ROBO2: variants seen among roughly 807,000 people sequenced by gnomAD.
ROBO2 encodes roundabout guidance receptor 2.
A neutral mutation model predicts 160.8 loss-of-function variants in ROBO2; 53 were observed. The ratio of observed to expected loss-of-function variants is 0.33; its 90% CI spans 0.26 to 0.41. ROBO2 has a LOEUF of 0.41. ROBO2 is among the 10% of genes least tolerant of loss of function. ROBO2 has a pLI of 1.00. For synonymous variants in ROBO2, 664 were observed against 611.7 expected, an observed-to-expected ratio of 1.09 and a Z score of -1.26; for missense variants, 1,577 against 1,722.4, an observed-to-expected ratio of 0.92 and a Z score of 1.49.
chr3:77,180,416 C>CTCTATATATATATATATATA (rs1433740534), intron 2 of ROBO2, among the ~76,000 whole-genome samples: 219 of 90,684 alleles, frequency 2.4e-3, no homozygotes, highest in Non-Finnish European at 3.9e-3. Flanking sequence ...CTCTCTCTCT[C>CTCTATATATATATATATATA]TATATATATA....
chr3:76,523,387 A>G (rs1476962024), intron 2 of ROBO2, among the ~76,000 whole-genome samples: 2 of 151,940 alleles, frequency 1.3e-5, no homozygotes, highest in East Asian at 3.9e-4. Context: ...CATGTCTTGA[A>G]TTTTCTGCCT....
At chr3:76,936,881 A>G (rs1224667726) in intron 2 of ROBO2, among the ~76,000 whole-genome samples, 1 of 151,754 alleles carries the variant, frequency 6.6e-6, no homozygotes, top group Non-Finnish European at 1.5e-5. Context: ...TTATGAAGAC[A>G]TTTGTTTCTG....
chr3:76,552,474 T>C (rs1486955423), intron 2 of ROBO2, among the ~76,000 whole-genome samples: 1 of 152,256 alleles, frequency 6.6e-6, no homozygotes, highest in Non-Finnish European at 1.5e-5. Context: ...CTCCTTTTCA[T>C]ATAATTAATC....
intron 24 of ROBO2, among the ~76,000 whole-genome samples, chr3:77,637,794 C>T: frequency 6.6e-6 from 1 of 152,064 alleles, no homozygotes; most frequent in East Asian, 1.9e-4. Context: ...AAATATAAAT[C>T]AACAAAATAC....
At chr3:76,571,467 C>T (rs1382664569) in intron 2 of ROBO2, among the ~76,000 whole-genome samples, 2 of 151,842 alleles carry the variant, frequency 1.3e-5, no homozygotes, top group East Asian at 3.9e-4. Flanking sequence ...GTTTTTATAC[C>T]AAGATACTGA....
chr3:76,136,071 T>C (rs991394132), intron 2 of ROBO2, among the ~76,000 whole-genome samples: 6 of 152,174 alleles, frequency 3.9e-5, no homozygotes, highest in Non-Finnish European at 8.8e-5. Context: ...GTTTACACTT[T>C]GTCATCTGAC....
At chr3:76,069,415 TTACACTGACAC>T (rs2068369518) in intron 2 of ROBO2, among the ~76,000 whole-genome samples, 1 of 152,160 alleles carries the variant, frequency 6.6e-6, no homozygotes. Context: ...TTGAAGTAAT[TTACACTGACAC>T]TACACTGGTA....
intron 2 of ROBO2, among the ~76,000 whole-genome samples, chr3:77,190,711 C>A (rs1414202331): frequency 6.6e-6 from 1 of 151,962 alleles, no homozygotes; most frequent in Non-Finnish European, 1.5e-5. Flanking sequence ...GTTTCTGCTG[C>A]TCTATGCTAG....
intron 2 of ROBO2, among the ~76,000 whole-genome samples, chr3:76,989,271 C>G (rs1321514488): frequency 6.6e-6 from 1 of 152,078 alleles, no homozygotes; most frequent in Non-Finnish European, 1.5e-5. Context: ...ATTATAGCCA[C>G]TTACCGATTA....
intron 2 of ROBO2, among the ~76,000 whole-genome samples, chr3:76,180,490 T>C (rs772563659): frequency 6.6e-6 from 1 of 152,136 alleles, no homozygotes; most frequent in Non-Finnish European, 1.5e-5. Flanking sequence ...AATGGTACCA[T>C]CTTCCATTTT....
At chr3:76,255,203 G>C (rs779300797) in intron 2 of ROBO2, among the ~76,000 whole-genome samples, 1 of 152,024 alleles carries the variant, frequency 6.6e-6, no homozygotes, top group Non-Finnish European at 1.5e-5. Flanking sequence ...GGTGATACAG[G>C]GCTTACGTTC....
At chr3:76,012,753 G>A (rs570141319) in intron 2 of ROBO2, among the ~76,000 whole-genome samples, 1 of 152,222 alleles carries the variant, frequency 6.6e-6, no homozygotes, top group South Asian at 2.1e-4. Context: ...TTGGAAAAAT[G>A]CATATTTAAA....
intron 2 of ROBO2, among the ~76,000 whole-genome samples, chr3:76,642,825 A>C (rs1467788791): frequency 6.6e-6 from 1 of 152,200 alleles, no homozygotes; most frequent in African/African-American, 2.4e-5. Context: ...ATATTAAGTG[A>C]GCTCTTACAA....
intron 2 of ROBO2, among the ~76,000 whole-genome samples, chr3:76,926,037 T>C (rs9839190): frequency 0.45 from 68,659 of 151,982 alleles, 15,823 homozygotes; most frequent in African/African-American, 0.54. Context: ...TTTTGATTTC[T>C]GTCTCAGTCT....
chr3:76,565,791 T>C lies in ROBO2; in HGVS notation c.110-532223T>C, dbSNP rs543665124. ...TCTGATACATAAATAATGAAGGATG[T>C]TCCATGGAATGGATGCCTACTGGTG... On this transcript the variant is annotated intron_variant, in intron 2 of 26. Transcript: ENST00000487694. Among the ~76,000 whole-genome samples, 5 of 152,348 alleles carry C rather than the reference T, an allele frequency of 3.3e-5. No homozygotes were observed. The South Asian group carries it at 1.0e-3, about 32-fold the overall frequency.
intron 2 of ROBO2, among the ~76,000 whole-genome samples, chr3:76,918,456 T>C (rs1441276478): frequency 6.6e-5 from 10 of 152,340 alleles, no homozygotes; most frequent in African/African-American, 2.4e-4. Context: ...TATTTCTTCA[T>C]AGCAGTGTGA....
At chr3:77,482,295 C>T (rs2084800012) in intron 4 of ROBO2, among the ~76,000 whole-genome samples, 1 of 152,046 alleles carries the variant, frequency 6.6e-6, no homozygotes, top group East Asian at 1.9e-4. Context: ...CAGGACACAC[C>T]CAAGTGTGGC....
chr3:76,868,437 A>G (rs2071614215), intron 2 of ROBO2, among the ~76,000 whole-genome samples: 1 of 152,204 alleles, frequency 6.6e-6, no homozygotes, highest in South Asian at 2.1e-4. Context: ...CACTATCAAA[A>G]CATACTTGTT....
intron 2 of ROBO2, among the ~76,000 whole-genome samples, chr3:77,435,000 T>G (rs976341312): frequency 2.0e-5 from 3 of 152,088 alleles, no homozygotes; most frequent in Non-Finnish European, 4.4e-5. Flanking sequence ...TGAAGTCCTG[T>G]TAATGAATAT....
Sources: gnomAD v4.1 joint callset for allele counts (sites outside exome capture counted in the v4.1 genomes callset) on GRCh38, gnomAD v4.1.1 for gene constraint, MANE v1.5 for transcripts, NCBI Gene and HGNC (gene_info 2026-07-23, HGNC 2026-07-21) for gene names.